The following CFAP210 variants were observed in gnomAD, a reference collection of about 807,000 sequenced individuals.
CFAP210 encodes cilia and flagella associated protein 210.
the CFAP210 span, among the ~76,000 whole-genome samples, chr2:169,663,778 T>A: frequency 6.7e-6 from 1 of 149,768 alleles, no homozygotes; most frequent in Non-Finnish European, 1.5e-5. Flanking sequence ...AGGTTTACGA[T>A]TGCCCTAAAA....
At chr2:169,660,606 T>A in the CFAP210 span, among the ~76,000 whole-genome samples, 10,688 of 55,162 alleles carry the variant, frequency 0.19, 439 homozygotes, top group Non-Finnish European at 0.25. Context: ...ATATATATAT[T>A]TTTTTTTTTT....
chr2:169,690,118 C>T, the CFAP210 span, among the ~76,000 whole-genome samples: 2 of 152,132 alleles, frequency 1.3e-5, no homozygotes, highest in Admixed American at 6.5e-5. Context: ...AAGTGGTCCT[C>T]CCACTTCAGC....
At chr2:169,681,426 G>C in the CFAP210 span, 1 of 610,596 alleles carries the variant, frequency 1.6e-6, no homozygotes, top group Non-Finnish European at 2.9e-6. Flanking sequence ...GCATATATTT[G>C]AGTCCTTGCT....
the CFAP210 span, chr2:169,680,896 C>G: frequency 2.5e-6 from 2 of 806,698 alleles, no homozygotes; most frequent in Non-Finnish European, 4.0e-6. Context: ...TGTTTCGATG[C>G]ATTTTTATGA....
the CFAP210 span, among the ~76,000 whole-genome samples, chr2:169,646,801 TATTA>T: frequency 2.0e-5 from 3 of 152,242 alleles, no homozygotes; most frequent in Non-Finnish European, 2.9e-5. Flanking sequence ...TAATTCTTTA[TATTA>T]ATTTACATTG....
the CFAP210 span, among the ~76,000 whole-genome samples, chr2:169,663,595 C>T: frequency 6.6e-6 from 1 of 151,990 alleles, no homozygotes; most frequent in South Asian, 2.1e-4. Flanking sequence ...TCCCCTATGC[C>T]ATGGAGGACT....
the CFAP210 span, among the ~76,000 whole-genome samples, chr2:169,667,869 C>A: frequency 6.6e-6 from 1 of 152,030 alleles, no homozygotes; most frequent in Non-Finnish European, 1.5e-5. Flanking sequence ...TAACATAATT[C>A]TTAAGGGTCC....
chr2:169,660,467 C>T, the CFAP210 span, among the ~76,000 whole-genome samples: 27 of 150,312 alleles, frequency 1.8e-4, no homozygotes, highest in African/African-American at 5.9e-4. Flanking sequence ...TTTATTTCTG[C>T]TCTGATCTTT....
chr2:169,676,366 CAA>C, the CFAP210 span, among the ~76,000 whole-genome samples: 5 of 140,508 alleles, frequency 3.6e-5, no homozygotes, highest in Admixed American at 7.2e-5. Flanking sequence ...TTCTGTGTTA[CAA>C]AAAAAAAAAA....
chr2:169,651,225 T>C, the CFAP210 span, among the ~76,000 whole-genome samples: 1 of 55,220 alleles, frequency 1.8e-5, no homozygotes, highest in Non-Finnish European at 3.7e-5. Context: ...AGACTCTGTC[T>C]GAAAAAAAAA....
At chr2:169,647,391 A>G in the CFAP210 span, among the ~76,000 whole-genome samples, 1 of 152,184 alleles carries the variant, frequency 6.6e-6, no homozygotes, top group Admixed American at 6.5e-5. Context: ...CTCACATTTG[A>G]TATGCATTAA....
At chr2:169,690,123 T>G in the CFAP210 span, among the ~76,000 whole-genome samples, 1 of 152,154 alleles carries the variant, frequency 6.6e-6, no homozygotes, top group Admixed American at 6.5e-5. Context: ...GTCCTCCCAC[T>G]TCAGCCTCCC....
the CFAP210 span, among the ~76,000 whole-genome samples, chr2:169,663,777 A>G: frequency 2.0e-5 from 3 of 149,730 alleles, no homozygotes; most frequent in African/African-American, 7.3e-5. Context: ...CAGGTTTACG[A>G]TTGCCCTAAA....
chr2:169,662,469 A>C, the CFAP210 span: 1 of 1,525,458 alleles, frequency 6.6e-7, no homozygotes, highest in East Asian at 2.3e-5. Flanking sequence ...ATTGAGAACA[A>C]AGCAGAAAAA....
the CFAP210 span, chr2:169,649,078 AT>A: frequency 2.0e-6 from 2 of 990,488 alleles, no homozygotes; most frequent in Admixed American, 3.0e-5. Flanking sequence ...CATAATGACC[AT>A]TTTTTTCTTA....
the CFAP210 span, chr2:169,648,268 T>C: frequency 5.4e-6 from 1 of 186,914 alleles, no homozygotes; most frequent in Admixed American, 6.0e-5. Flanking sequence ...TCCATTGAGA[T>C]AGTAAAACAG....
the CFAP210 span, among the ~76,000 whole-genome samples, chr2:169,666,479 C>T: frequency 1.3e-5 from 2 of 151,248 alleles, no homozygotes; most frequent in Non-Finnish European, 2.9e-5. Context: ...TCACTCAAGC[C>T]CACAATATCT....
At chr2:169,653,413 G>A in the CFAP210 span, among the ~76,000 whole-genome samples, 1 of 151,810 alleles carries the variant, frequency 6.6e-6, no homozygotes, top group African/African-American at 2.4e-5. Context: ...AGAGCCTTAT[G>A]GGCCATTGTA....
At chr2:169,686,836 A>T in the CFAP210 span, among the ~76,000 whole-genome samples, 1 of 152,112 alleles carries the variant, frequency 6.6e-6, no homozygotes, top group Non-Finnish European at 1.5e-5. Context: ...ACAATACTAA[A>T]TCTCCCAGCC....
Sources: gnomAD v4.1 joint callset for allele counts (sites outside exome capture counted in the v4.1 genomes callset) on GRCh38, gnomAD v4.1.1 for gene constraint, MANE v1.5 for transcripts, NCBI Gene and HGNC (gene_info 2026-07-23, HGNC 2026-07-21) for gene names.